Variants in AMHR2 observed in about 807,000 individuals in gnomAD.
AMHR2 encodes the protein anti-Muellerian hormone type-2 receptor.
Under a neutral mutation model 61.4 loss-of-function variants are expected in AMHR2, and 36 were observed. The ratio of observed to expected loss-of-function variants is 0.59; its 90% CI spans 0.45 to 0.77. AMHR2 has a LOEUF of 0.77. Ranked by LOEUF, AMHR2 falls within the 30% of genes least tolerant of loss-of-function variation. The probability of loss-of-function intolerance (pLI) is 0.00; values close to 1 mark genes in which losing one functional copy is unlikely to be tolerated. For missense variants in AMHR2, 638 were observed against 714.6 expected (o/e 0.89, Z 1.22); for synonymous variants, 258 against 279.4 (o/e 0.92, Z 0.76).
At chr12:53,426,998 A>AG (rs1285943250) in intron 6 of AMHR2, among the ~76,000 whole-genome samples, 1 of 152,096 alleles carries the variant, frequency 6.6e-6, no homozygotes, top group Non-Finnish European at 1.5e-5. Flanking sequence ...AAAAAAAAAA[A>AG]AAATTGTTAA....
chr12:53,424,095 G>A (rs1006615990), intron 1 of AMHR2, 112 bp downstream of exon 1: 96 of 1,405,570 alleles, frequency 6.8e-5, no homozygotes, highest in Non-Finnish European at 8.9e-5. Context: ...GGGTGAGTAA[G>A]GGTGAAGGAT....
In AMHR2 at chr12:53,430,170, TGGCCTATGA is replaced by T; in HGVS notation, c.1317_1325del (p.Tyr440_Ala442del). On this transcript the variant is annotated inframe_deletion, in exon 10 of 11. Transcript: ENST00000257863. ...GACAGCAGTCCACCACCCTTCCAAC[TGGCCTATGA>T]GGCAGAACTGGGCAATACCCCTACC... The T allele has an allele frequency of 6.2e-7, 1 of 1,614,184 alleles. No homozygotes were observed. Among genetic ancestry groups the T allele is most frequent in the Middle Eastern group, 1.6e-4 (1 of 6,062 alleles).
At position 53,425,832 on chromosome 12, in the gene AMHR2, C is replaced by A. The variant is rs758179091; in HGVS notation, c.765C>A (p.Asp255Glu). The A allele has an allele frequency of 2.5e-6, 4 of 1,614,026 alleles. No individual in the cohort carries two copies. The highest frequency in any genetic ancestry group is 3.4e-6 in the Non-Finnish European group (4 of 1,180,034). ...ACGAACTTCCAGGCCTACAGCACGA[C>A]CACATTGTCCGATTTATCACTGCCA... Reference protein sequence around the residue: ...ALYELPGLQHDHIVRFITASR... With the variant: ...ALYELPGLQHEHIVRFITASR... Residue 255 changes from aspartate to glutamate, a missense_variant, in exon 6 of 11, where the codon GAC becomes GAA. Asp to Glu is a conservative substitution (Grantham distance 45). Transcript: ENST00000257863.
chr12:53,424,107 G>C (rs1241612462), intron 1 of AMHR2, 124 bp downstream of exon 1: 15 of 1,344,622 alleles, frequency 1.1e-5, no homozygotes, highest in Non-Finnish European at 1.6e-5. Context: ...GTGAAGGATA[G>C]AGCCATGTGT....
At chr12:53,430,385 T>C (rs1940011091) in intron 10 of AMHR2, 103 bp downstream of exon 10, 1 of 1,571,346 alleles carries the variant, frequency 6.4e-7, no homozygotes, top group South Asian at 1.1e-5. Context: ...TATCTCCACT[T>C]ATCTCCCATC....
intron 7 of AMHR2, among the ~76,000 whole-genome samples, chr12:53,429,248 CG>C (rs1939891177): frequency 6.6e-6 from 1 of 151,950 alleles, no homozygotes; most frequent in Admixed American, 6.6e-5. Context: ...AAATATTAGC[CG>C]GGCGTGGTGG....
intron 6 of AMHR2, among the ~76,000 whole-genome samples, chr12:53,426,411 CCCAGGAATT>C (rs1158808614): frequency 6.6e-6 from 1 of 152,054 alleles, no homozygotes; most frequent in African/African-American, 2.4e-5. Context: ...ATCACTTGAA[CCCAGGAATT>C]CAAGAACAGC....
chr12:53,428,470 C>T (rs146564701), intron 6 of AMHR2, among the ~76,000 whole-genome samples: 1 of 152,328 alleles, frequency 6.6e-6, no homozygotes. Context: ...TCTTCTGAGT[C>T]AGTATAAGGT....
Position 53,424,388 on chromosome 12 carries a change from C to T in AMHR2, c.150C>T (p.Pro50=), listed in dbSNP as rs753902517. Residue 50 remains proline (P), a synonymous_variant, in exon 2 of 11, where the codon CCC becomes CCT. Coordinates refer to ENST00000257863, the MANE Select transcript of AMHR2 (RefSeq NM_020547.3). ...TGCTAGATACAGGCACAGAGCTCCCCAGAGCTATCCGCTGCCTCTACAGCC... is the reference window on the plus strand; with the variant it reads ...TGCTAGATACAGGCACAGAGCTCCCTAGAGCTATCCGCTGCCTCTACAGCC... The part of the protein sequence containing the change: ...GELLDTGTEL[P]RAIRCLYSRC... 3 of 1,613,500 alleles carry T rather than the reference C, an allele frequency of 1.9e-6. No homozygotes were observed. Among genetic ancestry groups the T allele is most frequent in the African/African-American group, 2.7e-5 (2 of 74,890 alleles).
rs766214800 is a variant in AMHR2 at position 53,431,180 on chromosome 12, C to G, written c.1429C>G (p.Pro477Ala). 2.1e-5 allele frequency: 34 copies of G among 1,614,010 alleles called. 1 individual carries two copies. Among genetic ancestry groups the G allele is most frequent in the Middle Eastern group, 1.7e-4 (1 of 6,022 alleles). Residue 477 changes from proline to alanine, a missense_variant, in exon 11 of 11, where the codon CCT becomes GCT. Transcript: ENST00000257863. ...TCCTCCCTGTCATTCCCCCCAGGAC[C>G]CTGATGGGCTGAGGGAGCTCCTAGA... Reference protein sequence around the residue: ...PSTWRCFATDPDGLRELLEDC... With the variant: ...PSTWRCFATDADGLRELLEDC...
At chr12:53,426,634 A>G (rs1393455640) in intron 6 of AMHR2, among the ~76,000 whole-genome samples, 1 of 151,640 alleles carries the variant, frequency 6.6e-6, no homozygotes, top group African/African-American at 2.4e-5. Context: ...CAAAATAATA[A>G]TTTTTATTTA....
At chr12:53,425,960 G>C in intron 6 of AMHR2, 41 bp downstream of exon 6, 3 of 1,580,128 alleles carry the variant, frequency 1.9e-6, no homozygotes, top group East Asian at 2.2e-5. Context: ...GTGTGCCTGT[G>C]TGTATGTATA....
At chr12:53,427,575 G>A (rs972769625) in intron 6 of AMHR2, among the ~76,000 whole-genome samples, 11 of 152,082 alleles carry the variant, frequency 7.2e-5, no homozygotes, top group Non-Finnish European at 1.5e-4. Flanking sequence ...GCTAATTTTT[G>A]TATTTTTAGT....
chr12:53,425,273 C>A (rs762932243), intron 4 of AMHR2, 31 bp downstream of exon 4: 1 of 1,611,948 alleles, frequency 6.2e-7, no homozygotes. Flanking sequence ...TCCCTTGTGA[C>A]CCCAAGACAT....
At chr12:53,430,320 G>A (rs1443766559) in intron 10 of AMHR2, 38 bp downstream of exon 10, 1 of 1,613,982 alleles carries the variant, frequency 6.2e-7, no homozygotes, top group Non-Finnish European at 8.5e-7. Flanking sequence ...AACCTGGAGA[G>A]TGGGGGCTGG....
chr12:53,430,751 G>A, intron 10 of AMHR2: 1 of 347,978 alleles, frequency 2.9e-6, no homozygotes, highest in East Asian at 6.8e-5. Context: ...TGAAAGCAGT[G>A]GCGTCACAGT....
At position 53,429,458 on chromosome 12, in the gene AMHR2, T is replaced by C. The variant is rs2136967635; in HGVS notation, c.973T>C (p.Tyr325His). Reference protein sequence around the residue: ...LHEERWQNGQYKPGIAHRDLS... With the variant: ...LHEERWQNGQHKPGIAHRDLS... ...AACCTTGGATTCCCCCACAGGCCAATATAAACCAGGTATTGCCCACCGAGA... is the reference window on the plus strand; with the variant it reads ...AACCTTGGATTCCCCCACAGGCCAACATAAACCAGGTATTGCCCACCGAGA... Residue 325 changes from tyrosine (Y) to histidine (H), a missense_variant, in exon 8 of 11, where the codon TAT becomes CAT. Coordinates refer to ENST00000257863, the MANE Select transcript of AMHR2 (RefSeq NM_020547.3). 1 of 1,609,966 alleles carries C rather than the reference T, an allele frequency of 6.2e-7. No individual in the cohort carries two copies. Among genetic ancestry groups the C allele is most frequent in the Admixed American group, 1.7e-5 (1 of 59,778 alleles).
chr12:53,426,972 C>T (rs1314691270), intron 6 of AMHR2, among the ~76,000 whole-genome samples: 1 of 136,910 alleles, frequency 7.3e-6, no homozygotes, highest in Non-Finnish European at 1.5e-5. Context: ...TGTGAGACAC[C>T]GTGCCCAGCC....
chr12:53,424,139 C>T (rs951337252), intron 1 of AMHR2, 149 bp from the exon 2 acceptor site: 1 of 1,321,112 alleles, frequency 7.6e-7, no homozygotes, highest in Non-Finnish European at 1.1e-6. Flanking sequence ...GGCTCAGGTT[C>T]CAGGCCTCTG....
Sources: gnomAD v4.1 joint callset for allele counts (sites outside exome capture counted in the v4.1 genomes callset) on GRCh38, gnomAD v4.1.1 for gene constraint, MANE v1.5 for transcripts, NCBI Gene and HGNC (gene_info 2026-07-23, HGNC 2026-07-21) for gene names.